RTL4: variants seen among roughly 807,000 people sequenced by gnomAD.
The protein encoded by RTL4 is retrotransposon Gag like 4, also known as retrotransposon Gag-like protein 4.
Under a neutral mutation model 5.3 loss-of-function variants are expected in RTL4, and 4 were observed. The observed-to-expected ratio is 0.75, with a 90% CI of 0.37 to 1.72. The LOEUF (loss-of-function observed/expected upper bound fraction) is 1.72, where lower values mean the gene tolerates loss of function less well. RTL4 is among the 40% of genes most tolerant of loss of function. The pLI is 0.04. For missense variants in RTL4, 260 were observed against 227.1 expected (o/e 1.14, Z -0.93); for synonymous variants, 98 against 87.3 (o/e 1.12, Z -0.68).
At chrX:112,390,160 T>TATATATATATATA in the RTL4 span, among the ~76,000 whole-genome samples, 3 of 56,219 alleles carry the variant, frequency 5.3e-5, no homozygotes, top group African/African-American at 1.4e-4. Flanking sequence ...TATATATATA[T>TATATATATATATA]TTAGGATCGT....
chrX:112,302,403 G>A, the RTL4 span, among the ~76,000 whole-genome samples: 1 of 111,523 alleles, frequency 9.0e-6, no homozygotes, highest in Non-Finnish European at 1.9e-5. Context: ...TGAAAAATGG[G>A]GAACTATCTA....
At chrX:112,161,967 A>T in the RTL4 span, among the ~76,000 whole-genome samples, 3 of 108,431 alleles carry the variant, frequency 2.8e-5, no homozygotes, top group Non-Finnish European at 3.8e-5. Context: ...TCCACATGCA[A>T]ACAAGAACTT....
At chrX:112,353,793 C>A in the RTL4 span, among the ~76,000 whole-genome samples, 1 of 110,118 alleles carries the variant, frequency 9.1e-6, no homozygotes, top group East Asian at 2.9e-4. Flanking sequence ...TGTAACAAAC[C>A]TGCACATTAT....
At chrX:112,325,600 A>G in the RTL4 span, among the ~76,000 whole-genome samples, 1 of 112,284 alleles carries the variant, frequency 8.9e-6, no homozygotes, top group Admixed American at 9.5e-5. Context: ...CTAGCCATAT[A>G]TAGGAAGCTG....
At chrX:112,337,948 C>T in the RTL4 span, among the ~76,000 whole-genome samples, 5 of 111,780 alleles carry the variant, frequency 4.5e-5, no homozygotes, top group East Asian at 2.8e-4. Context: ...TCTTATACTT[C>T]CTGTCTCAGA....
chrX:112,444,975 T>TTTGTA, the RTL4 span, among the ~76,000 whole-genome samples: 3 of 112,076 alleles, frequency 2.7e-5, no homozygotes, highest in Admixed American at 2.9e-4. Context: ...TTATTGATGT[T>TTTGTA]TTGTATTGTT....
chrX:112,320,577 C>T, the RTL4 span, among the ~76,000 whole-genome samples: 1 of 110,309 alleles, frequency 9.1e-6, no homozygotes, highest in East Asian at 2.9e-4. Context: ...GATAATAGAC[C>T]AGATGTTATT....
chrX:112,150,512 T>C, the RTL4 span, among the ~76,000 whole-genome samples: 1 of 111,703 alleles, frequency 9.0e-6, no homozygotes, highest in African/African-American at 3.3e-5. Context: ...TTTTACCCCT[T>C]CCCTTTAAAT....
At chrX:112,260,260 T>G in the RTL4 span, among the ~76,000 whole-genome samples, 1 of 111,314 alleles carries the variant, frequency 9.0e-6, no homozygotes, top group South Asian at 3.8e-4. Flanking sequence ...TGGAAGCAAG[T>G]ACAGCTTTTA....
the RTL4 span, among the ~76,000 whole-genome samples, chrX:112,363,884 G>T: frequency 9.0e-6 from 1 of 111,224 alleles, no homozygotes; most frequent in African/African-American, 3.3e-5. Context: ...CCCAGAGGCT[G>T]TGATGTGGGG....
chrX:112,128,584 G>A, the RTL4 span, among the ~76,000 whole-genome samples: 1 of 104,345 alleles, frequency 9.6e-6, no homozygotes, highest in Non-Finnish European at 2.0e-5. Flanking sequence ...GCTTGAACCC[G>A]GAAGTGGAGG....
At chrX:112,330,738 A>G in the RTL4 span, among the ~76,000 whole-genome samples, 2 of 111,308 alleles carry the variant, frequency 1.8e-5, no homozygotes, top group African/African-American at 6.5e-5. Context: ...GAGGCATCAC[A>G]CTACCTGACT....
chrX:112,087,208 T>C, the RTL4 span, among the ~76,000 whole-genome samples: 1 of 111,172 alleles, frequency 9.0e-6, no homozygotes, highest in East Asian at 2.8e-4. Flanking sequence ...AGAGTAGGTT[T>C]AGTCTTTACT....
the RTL4 span, among the ~76,000 whole-genome samples, chrX:112,435,386 G>T: frequency 8.9e-6 from 1 of 112,344 alleles, no homozygotes; most frequent in African/African-American, 3.2e-5. Flanking sequence ...GAGTGCCTGT[G>T]TGATTATTTA....
the RTL4 span, among the ~76,000 whole-genome samples, chrX:112,234,110 T>G: frequency 3.7e-4 from 41 of 110,158 alleles, no homozygotes; most frequent in African/African-American, 1.4e-3. Flanking sequence ...GAGAATGGAG[T>G]GAACCCGGGA....
At chrX:112,266,846 G>A in the RTL4 span, among the ~76,000 whole-genome samples, 7,682 of 110,716 alleles carry the variant, frequency 0.069, 648 homozygotes, top group African/African-American at 0.24. Flanking sequence ...GCCCTACCAA[G>A]TACTTACTAA....
the RTL4 span, among the ~76,000 whole-genome samples, chrX:112,432,683 C>T: frequency 4.4e-5 from 4 of 90,031 alleles, no homozygotes; most frequent in Admixed American, 2.5e-4. Context: ...TTGTAGGTTG[C>T]CTGTTCACTC....
the RTL4 span, among the ~76,000 whole-genome samples, chrX:112,439,944 C>A: frequency 1.8e-5 from 2 of 111,349 alleles, no homozygotes; most frequent in African/African-American, 6.5e-5. Flanking sequence ...TAGAAATTAC[C>A]CAGCCCGAGG....
chrX:112,280,262 T>C, the RTL4 span, among the ~76,000 whole-genome samples: 2 of 110,810 alleles, frequency 1.8e-5, no homozygotes, highest in Non-Finnish European at 3.8e-5. Flanking sequence ...GAGCTAAACA[T>C]TGGGTACTCA....
Sources: gnomAD v4.1 joint callset for allele counts (sites outside exome capture counted in the v4.1 genomes callset) on GRCh38, gnomAD v4.1.1 for gene constraint, MANE v1.5 for transcripts, NCBI Gene and HGNC (gene_info 2026-07-23, HGNC 2026-07-21) for gene names.